Variants in HIPK4 observed in about 807,000 individuals in gnomAD.
HIPK4 encodes homeodomain-interacting protein kinase 4.
In HIPK4, 26 loss-of-function variants were observed where a neutral mutation model predicts 44.8. The ratio of observed to expected loss-of-function variants is 0.58; its 90% CI spans 0.43 to 0.80. The LOEUF is 0.80. HIPK4 is among the 30% of genes least tolerant of loss of function. The probability of loss-of-function intolerance (pLI) is 0.00; values close to 1 mark genes in which losing one functional copy is unlikely to be tolerated. For missense variants in HIPK4, 729 were observed against 862.6 expected (o/e 0.85, Z 1.94); for synonymous variants, 340 against 355.5 (o/e 0.96, Z 0.49).
rs1255023857 is a variant in HIPK4, at chr19:40,390,071, C to T, written c.-169G>A. ...CCCCTGCTTCCCTGGCACCCCCAAACCCCCAGGCCACACTGTCAGTCTGCC... is the reference window on the plus strand; with the variant it reads ...CCCCTGCTTCCCTGGCACCCCCAAATCCCCAGGCCACACTGTCAGTCTGCC... On this transcript the variant is annotated 5_prime_UTR_variant, in exon 1 of 4. Coordinates refer to ENST00000291823, the MANE Select transcript of HIPK4 (RefSeq NM_144685.5). 1.7e-5 allele frequency: 10 copies of T among 605,506 alleles called. No individual in the cohort carries two copies. The South Asian group carries it at 1.8e-4, about 11-fold the overall frequency. 37.5% of individuals were successfully genotyped at this position (605,506 alleles called of 1,614,324 possible). A position where few individuals can be genotyped will look rare whatever the true frequency, so the allele number is the denominator to read the frequency against.
chr19:40,387,525 G>C (rs959906049), intron 1 of HIPK4, among the ~76,000 whole-genome samples: 8 of 152,082 alleles, frequency 5.3e-5, no homozygotes, highest in African/African-American at 1.9e-4. Context: ...GTCCAAGCTG[G>C]AGTGCAGCGG....
At position 40,389,399 on chromosome 19, in the gene HIPK4, G is replaced by T; in HGVS notation, c.465+39C>A. ...TGGAAGAAGCTGGGAAAAAGACAAG[G>T]AACTAGGGACGCAGCCACCCTAGAC... On this transcript the variant is annotated intron_variant, in intron 1 of 3. Transcript: ENST00000291823. This position sits in a 1 kb window ranked among gnomAD's most constrained non-coding sequence, Gnocchi z 4.6. 8.0e-7 allele frequency: 1 copy of T among 1,251,784 alleles called. No individual in the cohort carries two copies. The highest frequency in any genetic ancestry group is 1.1e-6 in the Non-Finnish European group (1 of 918,122). The allele number at this position is 1,251,784 out of a possible 1,614,324, so 77.5% of individuals were successfully genotyped here. A position where few individuals can be genotyped will look rare whatever the true frequency, so the allele number is the denominator to read the frequency against.
intron 2 of HIPK4, 142 bp from the exon 3 acceptor site, chr19:40,381,310 GC>G: frequency 1.4e-6 from 1 of 693,178 alleles, no homozygotes; most frequent in Non-Finnish European, 2.4e-6. Flanking sequence ...TGCTAGGAGG[GC>G]CACCCTGGAT....
rs2079371460 is a variant in HIPK4 at position 40,388,044 on chromosome 19, ACTT to A, written c.465+1391_465+1393del. Among the ~76,000 whole-genome samples the A allele has an allele frequency of 5.7e-5, 5 of 87,020 alleles. No individual in the cohort carries two copies. The South Asian group carries it at 2.1e-3, about 36-fold the overall frequency. The allele number at this position is 87,020 out of a possible 152,430, so 57.1% of individuals were successfully genotyped here. On this transcript the variant is annotated intron_variant, in intron 1 of 3. Coordinates refer to ENST00000291823, the MANE Select transcript of HIPK4 (RefSeq NM_144685.5). ...TTTTTTTTTTTTCTGAGACAGAGGG[ACTT>A]CCTCTGTCGCCCAGGCTGGAGTGCA... is the stretch of plus-strand genomic sequence containing the variant.
In HIPK4 at chr19:40,389,876, G is replaced by C; in HGVS notation, c.27C>G (p.Asp9Glu). 1 of 1,610,308 alleles carries C rather than the reference G, an allele frequency of 6.2e-7. No individual in the cohort carries two copies. Among genetic ancestry groups the C allele is most frequent in the Non-Finnish European group, 8.5e-7 (1 of 1,179,908 alleles). The change falls in exon 1 of 4, where the codon GAC becomes GAG. Residue 9 changes from aspartate to glutamate, a missense_variant. Asp to Glu is a conservative substitution (Grantham distance 45, BLOSUM62 2). This residue lies in a region of HIPK4 where 196 missense variants were observed against 295.1 expected (regional missense o/e 0.66). Coordinates refer to ENST00000291823, the MANE Select transcript of HIPK4 (RefSeq NM_144685.5). The surrounding 1 kb of genome is among the most constrained non-coding windows in gnomAD (Gnocchi z 4.6). ...CCAAGACCTCGATGATGTCGTAGCA[G>C]TCAGTCTCCGACTGGATGGTGGACA... MSTIQSET[D>E]CYDIIEVLGK...
chr19:40,386,728 T>C (rs965463833), intron 1 of HIPK4, among the ~76,000 whole-genome samples: 1 of 152,202 alleles, frequency 6.6e-6, no homozygotes, highest in African/African-American at 2.4e-5. Flanking sequence ...TTCAATACTG[T>C]ATCCCTAGAT....
At chr19:40,381,196 G>T (rs368343792) in intron 2 of HIPK4, 28 bp from the exon 3 acceptor site, 3 of 1,563,010 alleles carry the variant, frequency 1.9e-6, no homozygotes, top group South Asian at 2.3e-5. Flanking sequence ...AGGGGGCAGG[G>T]TTGACCATTG....
At position 40,380,855 on chromosome 19, in the gene HIPK4, G is replaced by A. The variant is rs895580650; in HGVS notation, c.1136C>T (p.Pro379Leu). Residue 379 changes from proline to leucine, a missense_variant, in exon 3 of 4, where the codon CCC (proline) becomes CTC (leucine). Physicochemically the swap from Pro to Leu is moderately conservative, Grantham distance 98. Around this residue, in one of 2 missense-constraint regions of HIPK4, gnomAD observed 533 missense variants for 567.5 expected, o/e 0.94. Transcript: ENST00000291823. This position sits in a 1 kb window ranked among gnomAD's most constrained non-coding sequence, Gnocchi z 4.2. Reference protein sequence around the residue: ...YRLSLQVEGKPPTPVVAAEDG... With the variant: ...YRLSLQVEGKLPTPVVAAEDG... ...TTCTGCGGCCACGACGGGCGTGGGG[G>A]GCTTCCCCTCCACTTGCAGCGAGAG... 6.2e-7 allele frequency: 1 copy of A among 1,608,760 alleles called. No individual in the cohort carries two copies. The highest frequency in any genetic ancestry group is 8.5e-7 in the Non-Finnish European group (1 of 1,175,580).
At chr19:40,388,166 C>T (rs1219416299) in intron 1 of HIPK4, among the ~76,000 whole-genome samples, 1 of 151,940 alleles carries the variant, frequency 6.6e-6, no homozygotes, top group Non-Finnish European at 1.5e-5. Flanking sequence ...TACAGGTGCC[C>T]GCCACCACAC....
At chr19:40,386,034 A>G (rs1336812264) in intron 1 of HIPK4, among the ~76,000 whole-genome samples, 1 of 149,130 alleles carries the variant, frequency 6.7e-6, no homozygotes, top group African/African-American at 2.5e-5. Flanking sequence ...CATTTCACAC[A>G]CTATATCTCT....
Position 40,380,433 on chromosome 19 carries a change from C to T in HIPK4, c.1558G>A (p.Gly520Ser), listed in dbSNP as rs201533714. The T allele has an allele frequency of 3.1e-6, 5 of 1,614,024 alleles. No homozygotes were observed. The African/African-American group carries it at 5.3e-5, about 17-fold the overall frequency. Residue 520 changes from glycine to serine, a missense_variant, in exon 3 of 4, where the codon GGC (glycine) becomes AGC (serine). This residue lies in a region of HIPK4 where 533 missense variants were observed against 567.5 expected (regional missense o/e 0.94). Coordinates refer to ENST00000291823, the MANE Select transcript of HIPK4 (RefSeq NM_144685.5). This position sits in a 1 kb window ranked among gnomAD's most constrained non-coding sequence, Gnocchi z 4.2. ...TGCTCTCCTTCCTCCCAGCTGCTGCCCCGGCAGGGCCTGTCATCCTCAGGC... is the reference window on the plus strand; with the variant it reads ...TGCTCTCCTTCCTCCCAGCTGCTGCTCCGGCAGGGCCTGTCATCCTCAGGC... ...VSPEDDRPCR[G>S]SSWEEGEHLG...
At position 40,389,533 on chromosome 19, in the gene HIPK4, G is replaced by A; in HGVS notation, c.370C>T (p.Leu124=). The A allele has an allele frequency of 1.2e-6, 2 of 1,613,994 alleles. No homozygotes were observed. Among genetic ancestry groups the A allele is most frequent in the Non-Finnish European group, 8.5e-7 (1 of 1,179,988 alleles). ...RTVTLQVLTA[L]ARLKELAIIH... is the part of the protein sequence containing the mutation. ...ATAGCCAGCTCCTTGAGCCGGGCCAGGGCTGTGAGCACCTGCAGGGTGACT... is the reference window on the plus strand; with the variant it reads ...ATAGCCAGCTCCTTGAGCCGGGCCAAGGCTGTGAGCACCTGCAGGGTGACT... The change falls in exon 1 of 4, where the codon CTG becomes TTG. Residue 124 remains leucine, a synonymous_variant. Transcript: ENST00000291823. This position sits in a 1 kb window ranked among gnomAD's most constrained non-coding sequence, Gnocchi z 4.6.
At chr19:40,386,706 T>G (rs989471708) in intron 1 of HIPK4, among the ~76,000 whole-genome samples, 7 of 152,116 alleles carry the variant, frequency 4.6e-5, no homozygotes, top group Non-Finnish European at 1.0e-4. Context: ...GGCAAAGAAT[T>G]TATCCATTTT....
chr19:40,385,195 C>G (rs1392804545), intron 1 of HIPK4, among the ~76,000 whole-genome samples: 1 of 152,152 alleles, frequency 6.6e-6, no homozygotes, highest in Non-Finnish European at 1.5e-5. Context: ...TCCTCTGCCC[C>G]CTAGTCTGTC....
At chr19:40,387,627 C>A (rs1054485180) in intron 1 of HIPK4, among the ~76,000 whole-genome samples, 1 of 151,992 alleles carries the variant, frequency 6.6e-6, no homozygotes, top group Non-Finnish European at 1.5e-5. Context: ...TACAGGTGCA[C>A]CCCACCACAT....
chr19:40,379,796 G>C, intron 3 of HIPK4, 27 bp from the exon 4 acceptor site: 6 of 1,599,006 alleles, frequency 3.8e-6, no homozygotes, highest in Non-Finnish European at 5.1e-6. Flanking sequence ...AGGGGCATCA[G>C]CCAAGCAGTG....
chr19:40,382,245 C>G (rs745821287), intron 2 of HIPK4, among the ~76,000 whole-genome samples: 1 of 151,938 alleles, frequency 6.6e-6, no homozygotes, highest in African/African-American at 2.4e-5. Flanking sequence ...TTGGAACTAC[C>G]GGTGTGTGCC....
intron 2 of HIPK4, among the ~76,000 whole-genome samples, chr19:40,382,903 C>G (rs1386595305): frequency 1.3e-5 from 2 of 150,898 alleles, no homozygotes; most frequent in African/African-American, 4.9e-5. Flanking sequence ...AAAAAATTGC[C>G]GGGTGTGATG....
chr19:40,384,427 C>G (rs943278504), intron 1 of HIPK4, among the ~76,000 whole-genome samples: 1 of 152,126 alleles, frequency 6.6e-6, no homozygotes, highest in African/African-American at 2.4e-5. Flanking sequence ...CCTTAGCCTC[C>G]TGAGTAGCTG....
Sources: allele counts gnomAD v4.1 joint callset (sites outside exome capture counted in the v4.1 genomes callset), GRCh38; gene constraint gnomAD v4.1.1; regional missense constraint gnomAD v4.1.1; non-coding constraint Gnocchi (gnomAD v3.1); transcripts MANE v1.5; gene names NCBI Gene and HGNC (gene_info 2026-07-23, HGNC 2026-07-21).